The following RGS11 variants were observed in gnomAD, a reference collection of about 807,000 sequenced individuals.
RGS11 encodes regulator of G protein signaling 11, also known as regulator of G-protein signaling 11.
Under a neutral mutation model 71.1 loss-of-function variants are expected in RGS11, and 86 were observed. The observed-to-expected ratio is 1.21, with a 90% CI of 1.02 to 1.45. The LOEUF is 1.45. Among genes scored for constraint, RGS11 ranks in the 40% most tolerant of loss-of-function variants. The pLI is 0.00. For synonymous variants in RGS11, 298 were observed against 254.2 expected, an observed-to-expected ratio of 1.17 and a Z score of -1.64; for missense variants, 734 against 635.1, an observed-to-expected ratio of 1.16 and a Z score of -1.67.
At chr16:270,376 G>T in intron 15 of RGS11, 147 bp downstream of exon 15, 1 of 938,926 alleles carries the variant, frequency 1.1e-6, no homozygotes, top group Non-Finnish European at 1.6e-6. Context: ...AGAGCGGCCA[G>T]GGCGGCCCCA....
intron 9 of RGS11, chr16:272,372 A>G: frequency 1.5e-6 from 2 of 1,290,838 alleles, no homozygotes; most frequent in Non-Finnish European, 2.0e-6. Context: ...TTTATCAGTG[A>G]GGTTCTAGGT....
chr16:272,626 C>T (rs2051989168), intron 9 of RGS11: 2 of 1,460,594 alleles, frequency 1.4e-6, no homozygotes. Flanking sequence ...CCCCCTCGTC[C>T]CCACCACTCC....
At chr16:269,876 G>T in intron 15 of RGS11, 1 of 367,122 alleles carries the variant, frequency 2.7e-6, no homozygotes. Flanking sequence ...AACCAGGAAT[G>T]GCTCCGTGTG....
rs368544960 is a variant in RGS11, at chr16:273,479, G to A, written c.584C>T (p.Pro195Leu). Reference protein sequence around the residue: ...QEQTYWLVNRPPPGAPDVLEQ... With the variant: ...QEQTYWLVNRLPPGAPDVLEQ... ...CCTCACCGCAGGTGGGCTCACCGGG[G>A]GCCTGTTCACCAGCCAGTAGGTCTG... The change falls in exon 8 of 17, where the codon CCC (proline) becomes CTC (leucine). Residue 195 changes from proline (P) to leucine (L), a missense_variant. Physicochemically the swap from Pro to Leu is moderately conservative, Grantham distance 98 (BLOSUM62 -3). Transcript: ENST00000397770. 4 of 1,550,380 alleles carry A rather than the reference G, an allele frequency of 2.6e-6. No individual in the cohort carries two copies. The African/African-American group carries it at 5.5e-5, about 21-fold the overall frequency.
At chr16:274,723 C>A (rs575197858) in intron 4 of RGS11, 20 of 696,024 alleles carry the variant, frequency 2.9e-5, no homozygotes, top group Non-Finnish European at 5.0e-5. Context: ...GCACATACGA[C>A]CCCTTGTGGG....
Position 272,539 on chromosome 16 carries a change from A to G in RGS11, c.657+324T>C, listed in dbSNP as rs561315428. 2.5e-4 allele frequency: 361 copies of G among 1,420,040 alleles called. 3 individuals are homozygous for G. In the South Asian group the frequency reaches 4.1e-3, roughly 16 times the overall value. 88.0% of individuals were successfully genotyped at this position (1,420,040 alleles called of 1,614,324 possible). A position where few individuals can be genotyped will look rare whatever the true frequency, so the allele number is the denominator to read the frequency against. On this transcript the variant is annotated intron_variant, in intron 9 of 16. Coordinates refer to ENST00000397770, the MANE Select transcript of RGS11 (RefSeq NM_183337.3). Reference sequence around the variant, plus strand: ...TCTGCTGAGGTCTGTCAGAGGCCGTAACCCTGCTTGTCACCCCTCCAATTC... The same window carrying G: ...TCTGCTGAGGTCTGTCAGAGGCCGTGACCCTGCTTGTCACCCCTCCAATTC...
chr16:275,150 C>T (rs1050293414), intron 3 of RGS11, 68 bp from the exon 4 acceptor site: 22 of 1,534,834 alleles, frequency 1.4e-5, no homozygotes, highest in Non-Finnish European at 1.8e-5. Flanking sequence ...GCCGGGCCTC[C>T]TCTCCCCTAT....
chr16:272,970 C>T (rs547182492), intron 8 of RGS11, 39 bp from the exon 9 acceptor site: 63 of 1,455,070 alleles, frequency 4.3e-5, no homozygotes, highest in East Asian at 2.3e-4. Flanking sequence ...GATGCAGTTC[C>T]GGTGGCTGAC....
rs2051794660 is a variant in RGS11, at chr16:269,015, T to A, written c.*254A>T. The A allele has an allele frequency of 7.1e-7, 1 of 1,400,922 alleles. No homozygotes were observed. The highest frequency in any genetic ancestry group is 2.5e-5 in the East Asian group (1 of 40,252). The allele number at this position is 1,400,922 out of a possible 1,614,324, so 86.8% of individuals were successfully genotyped here. On this transcript the variant is annotated 3_prime_UTR_variant, in exon 17 of 17. Transcript: ENST00000397770. ...TCTCACCTCTCTTCAGGTAACAGGCTCTGCCCTGACCCAAGCTGAGCCAAT... is the reference window on the plus strand; with the variant it reads ...TCTCACCTCTCTTCAGGTAACAGGCACTGCCCTGACCCAAGCTGAGCCAAT...
chr16:275,041 TGTAGCCATGCTGCA>T lies in RGS11; in HGVS notation c.239_252del (p.Val80AspfsTer9). The T allele has an allele frequency of 6.7e-7, 1 of 1,499,884 alleles. No individual in the cohort carries two copies. Among genetic ancestry groups the T allele is most frequent in the Non-Finnish European group, 8.9e-7 (1 of 1,121,560 alleles). 92.9% of individuals were successfully genotyped at this position (1,499,884 alleles called of 1,614,324 possible). On this transcript the variant is annotated frameshift_variant, in exon 4 of 17. Coordinates refer to ENST00000397770, the MANE Select transcript of RGS11 (RefSeq NM_183337.3). LOFTEE classifies it high-confidence loss of function. ...CTACGGGGGTCGCGCAGCGGGTAGA[TGTAGCCATGCTGCA>T]CCAGGACGGCGCCCAGGTGCAGGGC...
At position 270,556 on chromosome 16, in the gene RGS11, G is replaced by A. The variant is rs201120653; in HGVS notation, c.1173C>T (p.Asp391=). Residue 391 remains aspartate (D), a synonymous_variant, in exon 15 of 17, where the codon GAC becomes GAT. Transcript: ENST00000397770. ...LRQPHRYVLD[D]AQLHIYMLMK... is the part of the protein sequence containing the mutation. ...TGAGCATGTATATGTGCAGCTGGGC[G>A]TCATCCAGGACATAGCGGTGGGGCT... is the stretch of plus-strand genomic sequence containing the variant. The A allele has an allele frequency of 1.7e-5, 28 of 1,608,532 alleles. 1 individual carries two copies. In the South Asian group the frequency reaches 1.9e-4, roughly 11 times the overall value.
intron 16 of RGS11, 27 bp downstream of exon 16, chr16:269,476 C>T (rs773862587): frequency 1.8e-5 from 29 of 1,608,706 alleles, no homozygotes; most frequent in African/African-American, 5.3e-5. Flanking sequence ...CCACAGCCGC[C>T]GGCCACAGGG....
At position 269,071 on chromosome 16, in the gene RGS11, C is replaced by T; in HGVS notation, c.*198G>A. The T allele has an allele frequency of 1.0e-6, 1 of 994,682 alleles. No homozygotes were observed. The highest frequency in any genetic ancestry group is 1.6e-6 in the Non-Finnish European group (1 of 641,406). The allele number at this position is 994,682 out of a possible 1,614,324, so 61.6% of individuals were successfully genotyped here. On this transcript the variant is annotated 3_prime_UTR_variant, in exon 17 of 17. Transcript: ENST00000397770. Reference sequence around the variant, plus strand: ...CCCTCCCTGGGAATCCACACCTGGACCCATTCCTTCTGGGCAGGGAGGGCT... The same window carrying T: ...CCCTCCCTGGGAATCCACACCTGGATCCATTCCTTCTGGGCAGGGAGGGCT...
At chr16:271,647 CCCA>C in intron 9 of RGS11, 78 bp from the exon 10 acceptor site, 3 of 1,413,060 alleles carry the variant, frequency 2.1e-6, no homozygotes, top group Non-Finnish European at 3.0e-6. Context: ...AGGGCACCTC[CCCA>C]GGCTGAGCCC....
At position 275,884 on chromosome 16, in the gene RGS11, C is replaced by A; in HGVS notation, c.28G>T (p.Gly10Cys). 1.1e-6 allele frequency: 1 copy of A among 950,354 alleles called. No individual in the cohort carries two copies. Among genetic ancestry groups the A allele is most frequent in the Non-Finnish European group, 1.3e-6 (1 of 780,184 alleles). 58.9% of individuals were successfully genotyped at this position (950,354 alleles called of 1,614,324 possible). A position where few individuals can be genotyped will look rare whatever the true frequency, so the allele number is the denominator to read the frequency against. The change falls in exon 1 of 17, where the codon GGC (glycine) becomes TGC (cysteine). Residue 10 changes from glycine to cysteine, a missense_variant. Physicochemically the swap from Gly to Cys is radical, Grantham distance 159. Coordinates refer to ENST00000397770, the MANE Select transcript of RGS11 (RefSeq NM_183337.3). ...TGCGGCATCTGCGCCCGGGGGCGGC[C>A]GGGGGGCGGCGCGGGGCCGGCGGCC... Reference protein sequence around the residue: MAAGPAPPPGRPRAQMPHLR... With the variant: MAAGPAPPPCRPRAQMPHLR...
At chr16:271,689 G>T in intron 9 of RGS11, 120 bp from the exon 10 acceptor site, 1 of 987,110 alleles carries the variant, frequency 1.0e-6, no homozygotes, top group Admixed American at 1.9e-5. Context: ...AGAGATGGTG[G>T]CCCAGGCCCC....
chr16:275,416 G>A lies in RGS11; in HGVS notation c.146C>T (p.Pro49Leu). Reference sequence around the variant, plus strand: ...GCGCGCCTCACCTGTCACCGCGTGGGGAATGACGGTGACCAGCAGGCGCTG... The same window carrying A: ...GCGCGCCTCACCTGTCACCGCGTGGAGAATGACGGTGACCAGCAGGCGCTG... ...RSQRLLVTVIPHAVTGSDVVQ... is the reference protein window; with the variant it reads ...RSQRLLVTVILHAVTGSDVVQ... The change falls in exon 2 of 17, where the codon CCC (proline) becomes CTC (leucine). Residue 49 changes from proline to leucine, a missense_variant. Transcript: ENST00000397770. 2.5e-6 allele frequency: 4 copies of A among 1,605,206 alleles called. No individual in the cohort carries two copies. Among genetic ancestry groups the A allele is most frequent in the Non-Finnish European group, 3.4e-6 (4 of 1,179,168 alleles).
intron 9 of RGS11, chr16:272,241 G>T: frequency 8.3e-7 from 1 of 1,203,938 alleles, no homozygotes; most frequent in Non-Finnish European, 1.1e-6. Context: ...GACCTTCATT[G>T]GTCGGCACCT....
chr16:274,724 C>T (rs754536711), intron 4 of RGS11: 13 of 696,692 alleles, frequency 1.9e-5, no homozygotes, highest in Non-Finnish European at 2.9e-5. Context: ...CACATACGAC[C>T]CCTTGTGGGG....
Sources: gnomAD v4.1 joint callset for allele counts on GRCh38, gnomAD v4.1.1 for gene constraint, MANE v1.5 for transcripts, NCBI Gene and HGNC (gene_info 2026-07-23, HGNC 2026-07-21) for gene names.